Variants in BIN3 observed in about 807,000 individuals in gnomAD.
BIN3 encodes the protein bridging integrator 3.
Under a neutral mutation model 38.2 loss-of-function variants are expected in BIN3, and 41 were observed. The ratio of observed to expected loss-of-function variants is 1.07; its 90% CI spans 0.84 to 1.39. BIN3 has a LOEUF of 1.39. Among genes scored for constraint, BIN3 ranks in the 40% most tolerant of loss-of-function variants. The pLI, the probability that BIN3 is intolerant of heterozygous loss-of-function variation, is 0.00. For missense variants in BIN3, 361 were observed against 324.3 expected, an observed-to-expected ratio of 1.11 and a Z score of -0.87; for synonymous variants, 145 against 122.6, an observed-to-expected ratio of 1.18 and a Z score of -1.21.
intron 1 of BIN3, among the ~76,000 whole-genome samples, chr8:22,654,579 G>C (rs1356450497): frequency 6.6e-6 from 1 of 152,126 alleles, no homozygotes; most frequent in African/African-American, 2.4e-5. Flanking sequence ...AATTATATTT[G>C]TATGTGGCCT....
At chr8:22,629,530 C>G (rs1449288703) in intron 6 of BIN3, among the ~76,000 whole-genome samples, 1 of 152,256 alleles carries the variant, frequency 6.6e-6, no homozygotes, top group Admixed American at 6.5e-5. Context: ...CGGCCACCCC[C>G]ACGTTTCCAG....
intron 4 of BIN3, chr8:22,634,532 T>G: frequency 4.4e-6 from 2 of 455,562 alleles, no homozygotes; most frequent in South Asian, 3.1e-5. Context: ...GGAGCTGGCA[T>G]AAAATGGGAA....
At chr8:22,664,829 A>G (rs1445819848) in intron 1 of BIN3, among the ~76,000 whole-genome samples, 1 of 152,250 alleles carries the variant, frequency 6.6e-6, no homozygotes, top group Non-Finnish European at 1.5e-5. Flanking sequence ...GAAAAGTTAG[A>G]AGCACTCTAC....
chr8:22,632,291 G>C (rs191777800), intron 4 of BIN3, among the ~76,000 whole-genome samples: 8 of 152,288 alleles, frequency 5.3e-5, no homozygotes, highest in African/African-American at 1.7e-4. Context: ...CCCCGGGGAA[G>C]GGTCTGCCTC....
chr8:22,624,635 G>T (rs750830685), intron 6 of BIN3: 20 of 402,380 alleles, frequency 5.0e-5, no homozygotes, highest in Non-Finnish European at 8.0e-5. Context: ...GGTGAGGGCA[G>T]ATGAGAGGAG....
At chr8:22,635,286 G>A (rs1417043828) in intron 4 of BIN3, among the ~76,000 whole-genome samples, 1 of 152,090 alleles carries the variant, frequency 6.6e-6, no homozygotes, top group Non-Finnish European at 1.5e-5. Flanking sequence ...ATCCGCTTGT[G>A]GACCTCTTGC....
At chr8:22,668,157 G>A (rs978085793) in intron 1 of BIN3, among the ~76,000 whole-genome samples, 1 of 152,216 alleles carries the variant, frequency 6.6e-6, no homozygotes, top group Non-Finnish European at 1.5e-5. Flanking sequence ...GGTAAGGTAA[G>A]GTGCTGCATA....
At chr8:22,634,940 T>C (rs1802322220) in intron 4 of BIN3, among the ~76,000 whole-genome samples, 1 of 152,108 alleles carries the variant, frequency 6.6e-6, no homozygotes, top group Admixed American at 6.5e-5. Flanking sequence ...GCCCTGCCAA[T>C]CTCAAGGTCA....
chr8:22,663,917 G>C (rs968917861), intron 1 of BIN3, among the ~76,000 whole-genome samples: 2 of 152,098 alleles, frequency 1.3e-5, no homozygotes, highest in African/African-American at 4.8e-5. Context: ...TTTAGTGATC[G>C]GCTGTCCTTT....
intron 6 of BIN3, among the ~76,000 whole-genome samples, chr8:22,628,571 G>C (rs1802079354): frequency 6.6e-6 from 1 of 152,200 alleles, no homozygotes; most frequent in African/African-American, 2.4e-5. Flanking sequence ...CACCAGGGTG[G>C]TGGGAAGTGG....
chr8:22,624,145 G>C, intron 7 of BIN3, 77 bp downstream of exon 7: 1 of 1,587,510 alleles, frequency 6.3e-7, no homozygotes, highest in Non-Finnish European at 8.6e-7. Flanking sequence ...GGTGCCCCCA[G>C]GTGAGGGGAG....
chr8:22,658,893 G>C (rs1418954258), intron 1 of BIN3, among the ~76,000 whole-genome samples: 2 of 152,212 alleles, frequency 1.3e-5, no homozygotes, highest in East Asian at 3.8e-4. Flanking sequence ...GTCTGGGCCT[G>C]AGTCACTGTC....
In BIN3 at chr8:22,636,976, G is replaced by C. The variant is rs772422311; in HGVS notation, c.58-14C>G. On this transcript the variant is annotated splice_polypyrimidine_tract_variant and intron_variant, in intron 2 of 8. Coordinates refer to ENST00000276416, the MANE Select transcript of BIN3 (RefSeq NM_018688.6). ...GTCTCTCTCCACCTGAAACGAGAGAGATAACTCAATTATCGGAGAAATGAC... is the reference window on the plus strand; with the variant it reads ...GTCTCTCTCCACCTGAAACGAGAGACATAACTCAATTATCGGAGAAATGAC... The C allele has an allele frequency of 2.5e-6, 4 of 1,611,674 alleles. No individual in the cohort carries two copies. Among genetic ancestry groups the C allele is most frequent in the South Asian group, 2.2e-5 (2 of 90,970 alleles).
chr8:22,646,707 G>A (rs559804491), intron 1 of BIN3, among the ~76,000 whole-genome samples: 20 of 152,134 alleles, frequency 1.3e-4, no homozygotes, highest in African/African-American at 1.2e-4. Context: ...GAAATGAAAA[G>A]GAAAGAAAAA....
At chr8:22,645,796 T>A (rs1488384197) in intron 1 of BIN3, among the ~76,000 whole-genome samples, 1 of 152,200 alleles carries the variant, frequency 6.6e-6, no homozygotes. Flanking sequence ...CAAATCTTCT[T>A]TGGAGGCTGG....
chr8:22,637,155 C>G (rs149559711), intron 2 of BIN3, among the ~76,000 whole-genome samples, 193 bp from the exon 3 acceptor site: 1 of 152,188 alleles, frequency 6.6e-6, no homozygotes, highest in Admixed American at 6.5e-5. Flanking sequence ...GTTTGAATTA[C>G]GGAGGAAGGC....
chr8:22,639,859 C>T (rs1005576289), intron 2 of BIN3, among the ~76,000 whole-genome samples: 2 of 139,128 alleles, frequency 1.4e-5, no homozygotes, highest in African/African-American at 5.1e-5. Flanking sequence ...TTACTAGACA[C>T]ACTTTTTTTT....
At position 22,629,808 on chromosome 8, in the gene BIN3, G is replaced by T. The variant is rs939664977; in HGVS notation, c.338+156C>A. ...GAGCCCCCAGGAGCATGGACGCTTA[G>T]GCCACAGGTCACAGAGCTGACGTCC... On this transcript the variant is annotated intron_variant, in intron 6 of 8. Transcript: ENST00000276416. The T allele has an allele frequency of 3.3e-5, 25 of 747,510 alleles. No individual in the cohort carries two copies. The East Asian group carries it at 6.7e-4, about 20-fold the overall frequency. 46.3% of individuals were successfully genotyped at this position (747,510 alleles called of 1,614,324 possible).
At chr8:22,634,121 A>G (rs967578047) in intron 4 of BIN3, among the ~76,000 whole-genome samples, 1 of 152,228 alleles carries the variant, frequency 6.6e-6, no homozygotes, top group Non-Finnish European at 1.5e-5. Context: ...CAGAAGCAGG[A>G]AGGAAAGGAA....
Sources: allele counts gnomAD v4.1 joint callset (sites outside exome capture counted in the v4.1 genomes callset), GRCh38; gene constraint gnomAD v4.1.1; transcripts MANE v1.5; gene names NCBI Gene and HGNC (gene_info 2026-07-23, HGNC 2026-07-21).